PFKM: variants seen among roughly 807,000 people sequenced by gnomAD.
PFKM encodes the protein ATP-dependent 6-phosphofructokinase, muscle type.
A neutral mutation model predicts 95.5 loss-of-function variants in PFKM; 58 were observed. The ratio of observed to expected loss-of-function variants is 0.61; its 90% CI spans 0.49 to 0.76. The LOEUF (loss-of-function observed/expected upper bound fraction) is 0.76, where lower values mean the gene tolerates loss of function less well. Ranked by LOEUF, PFKM falls within the 30% of genes least tolerant of loss-of-function variation. The pLI, the probability that PFKM is intolerant of heterozygous loss-of-function variation, is 0.00. For synonymous variants in PFKM, 336 were observed against 357.2 expected, an observed-to-expected ratio of 0.94 and a Z score of 0.67; for missense variants, 678 against 1,005.4, an observed-to-expected ratio of 0.67 and a Z score of 4.40.
chr12:48,134,688 C>T, intron 7 of PFKM, 33 bp from the exon 8 acceptor site: 2 of 1,445,700 alleles, frequency 1.4e-6, no homozygotes, highest in Non-Finnish European at 1.9e-6. Context: ...TAGAGTACAA[C>T]TTCTAGCAGG....
rs1948423283 is a variant in PFKM, at chr12:48,122,862, A to C, written c.85+3A>C. The C allele has an allele frequency of 6.8e-6, 11 of 1,613,728 alleles. No homozygotes were observed. The highest frequency in any genetic ancestry group is 9.3e-6 in the Non-Finnish European group (11 of 1,179,648). On this transcript the variant is annotated splice_donor_region_variant and intron_variant, in intron 2 of 22. Transcript: ENST00000359794. The stretch of plus-strand genomic sequence containing the variant: ...AACCTCTGGTGGAGATGCCCAAGGT[A>C]AGGAGGAGGGGACAAAAAACATGGC...
chr12:48,133,439 G>A lies in PFKM; in HGVS notation c.552G>A (p.Arg184=), dbSNP rs976955357. 6.2e-7 allele frequency: 1 copy of A among 1,614,162 alleles called. No individual in the cohort carries two copies. Among genetic ancestry groups the A allele is most frequent in the East Asian group, 2.2e-5 (1 of 44,882 alleles). The change falls in exon 6 of 23, where the codon CGG becomes CGA. Residue 184 remains arginine, a synonymous_variant. Coordinates refer to ENST00000359794, the MANE Select transcript of PFKM (RefSeq NM_000289.6). ...MTIGTDSALH[R]IMEIVDAITT... ...TTGGCACTGACTCTGCCCTGCATCGGATCATGGAAATTGTAGATGCCATCA... is the reference window on the plus strand; with the variant it reads ...TTGGCACTGACTCTGCCCTGCATCGAATCATGGAAATTGTAGATGCCATCA...
Position 48,145,804 on chromosome 12 carries a change from TAG to T in PFKM, c.*97_*98del, listed in dbSNP as rs1951002142. 1.4e-6 allele frequency: 2 copies of T among 1,383,574 alleles called. No homozygotes were observed. Among genetic ancestry groups the T allele is most frequent in the African/African-American group, 2.8e-5 (2 of 70,760 alleles). The allele number at this position is 1,383,574 out of a possible 1,614,324, so 85.7% of individuals were successfully genotyped here. A position where few individuals can be genotyped will look rare whatever the true frequency, so the allele number is the denominator to read the frequency against. ...TCAGTGTTTTAGCTGTTTTTTTCATTAGGTTTCCTTTTATTCTGTACCTTGCA... is the reference window on the plus strand; with the variant it reads ...TCAGTGTTTTAGCTGTTTTTTTCATTGTTTCCTTTTATTCTGTACCTTGCA... On this transcript the variant is annotated 3_prime_UTR_variant, in exon 23 of 23. Coordinates refer to ENST00000359794, the MANE Select transcript of PFKM (RefSeq NM_000289.6). The surrounding 1 kb of genome is among the most constrained non-coding windows in gnomAD (Gnocchi z 4.3).
At position 48,145,309 on chromosome 12, in the gene PFKM, A is replaced by G. The variant is rs750103999; in HGVS notation, c.2192A>G (p.Asp731Gly). Residue 731 changes from aspartate (D) to glycine (G), a missense_variant, in exon 22 of 23, where the codon GAT becomes GGT. By Grantham distance (94) the Asp-to-Gly change is moderately conservative. Transcript: ENST00000359794. The surrounding 1 kb of genome is among the most constrained non-coding windows in gnomAD (Gnocchi z 4.3). The stretch of plus-strand genomic sequence containing the variant: ...GTGGCTGAGCTGAAGGACCAGACAG[A>G]TTTTGAGTGAGTACATCTGCTTCCT... ...QPVAELKDQTDFEHRIPKEQW... is the reference protein window; with the variant it reads ...QPVAELKDQTGFEHRIPKEQW... The G allele has an allele frequency of 1.9e-6, 3 of 1,612,146 alleles. No homozygotes were observed. In the East Asian group the frequency reaches 6.7e-5, roughly 36 times the overall value.
At chr12:48,109,127 A>T (rs1946963846) in intron 3 of PFKM, among the ~76,000 whole-genome samples, 1 of 152,230 alleles carries the variant, frequency 6.6e-6, no homozygotes, top group Admixed American at 6.5e-5. Flanking sequence ...AGGACGGGAG[A>T]TAATATGGAA....
chr12:48,111,047 T>C (rs936973612), intron 3 of PFKM, among the ~76,000 whole-genome samples: 3 of 152,224 alleles, frequency 2.0e-5, no homozygotes, highest in African/African-American at 7.2e-5. Context: ...AGCAGGCACC[T>C]TTGTGGTCCA....
intron 8 of PFKM, 50 bp downstream of exon 8, chr12:48,134,879 G>A: frequency 6.3e-7 from 1 of 1,589,552 alleles, no homozygotes; most frequent in Admixed American, 1.7e-5. Context: ...CTGTTCCACT[G>A]ATGATCTCTT....
chr12:48,107,034 C>A (rs1443060440), intron 1 of PFKM, among the ~76,000 whole-genome samples: 1 of 152,076 alleles, frequency 6.6e-6, no homozygotes, highest in Admixed American at 6.5e-5. Context: ...GGACCCAGGC[C>A]CTGTAGAAGT....
upstream of PFKM, among the ~76,000 whole-genome samples, chr12:48,114,872 A>C (rs1024694979): frequency 1.3e-5 from 2 of 152,190 alleles, no homozygotes; most frequent in African/African-American, 4.8e-5. Context: ...GCGGTGTTGC[A>C]GAAGAAAATG....
intron 6 of PFKM, among the ~76,000 whole-genome samples, chr12:48,133,806 T>C (rs372960295): frequency 8.5e-5 from 13 of 152,114 alleles, no homozygotes; most frequent in African/African-American, 2.9e-4. Flanking sequence ...TTTCCAACCA[T>C]ATCATAGAAA....
chr12:48,141,276 A>G, intron 14 of PFKM, 35 bp from the exon 15 acceptor site: 1 of 1,596,962 alleles, frequency 6.3e-7, no homozygotes, highest in Non-Finnish European at 8.6e-7. Context: ...CTAGTGCTTT[A>G]GCCTTGTGCA....
At chr12:48,131,950 G>A (rs1252174160) in intron 4 of PFKM, 2 of 452,880 alleles carry the variant, frequency 4.4e-6, no homozygotes, top group East Asian at 1.4e-4. Flanking sequence ...CACAGTGAGT[G>A]AGAGAAATAC....
chr12:48,132,529 C>A (rs956048766), intron 4 of PFKM, among the ~76,000 whole-genome samples: 4 of 152,190 alleles, frequency 2.6e-5, no homozygotes, highest in Non-Finnish European at 4.4e-5. Context: ...AGACTGAAGT[C>A]ACTGCTTCTA....
chr12:48,122,700 C>G, intron 1 of PFKM, 67 bp from the exon 2 acceptor site: 1 of 1,608,766 alleles, frequency 6.2e-7, no homozygotes, highest in Non-Finnish European at 8.5e-7. Flanking sequence ...AGTCTAATTG[C>G]CGTTCCTTTA....
intron 3 of PFKM, among the ~76,000 whole-genome samples, chr12:48,112,607 G>T (rs1173831823): frequency 6.6e-6 from 1 of 152,160 alleles, no homozygotes; most frequent in African/African-American, 2.4e-5. Context: ...AAGCATGTTT[G>T]AGATCCACTA....
chr12:48,129,395 A>G (rs1949214585), intron 2 of PFKM, among the ~76,000 whole-genome samples: 1 of 151,170 alleles, frequency 6.6e-6, no homozygotes, highest in African/African-American at 2.4e-5. Context: ...AGAAGCAGAG[A>G]GAGAATGATT....
At chr12:48,139,383 A>G (rs1644572612) in intron 12 of PFKM, 34 bp downstream of exon 12, 3 of 1,559,806 alleles carry the variant, frequency 1.9e-6, no homozygotes, top group Admixed American at 1.7e-5. Flanking sequence ...CTAGCTACAG[A>G]AATCAGAGGC....
rs1950587781 is a variant in PFKM at position 48,141,686 on chromosome 12, C to T, written c.1413-54C>T. Reference sequence around the variant, plus strand: ...CTTTTCTCCCCCTCAATTTTCCTGTCTCTTCCCCAAATTCCAATTCCCCTT... The same window carrying T: ...CTTTTCTCCCCCTCAATTTTCCTGTTTCTTCCCCAAATTCCAATTCCCCTT... On this transcript the variant is annotated intron_variant, in intron 15 of 22. Transcript: ENST00000359794. 3.0e-6 allele frequency: 4 copies of T among 1,334,938 alleles called. No individual in the cohort carries two copies. In the South Asian group the frequency reaches 4.7e-5, roughly 16 times the overall value. 82.7% of individuals were successfully genotyped at this position (1,334,938 alleles called of 1,614,324 possible). A position where few individuals can be genotyped will look rare whatever the true frequency, so the allele number is the denominator to read the frequency against.
chr12:48,110,851 G>A (rs994206788), intron 3 of PFKM, among the ~76,000 whole-genome samples: 4 of 152,162 alleles, frequency 2.6e-5, no homozygotes, highest in African/African-American at 9.7e-5. Context: ...GTGGCCCATA[G>A]AGGATCAGCT....
Sources: gnomAD v4.1 joint callset for allele counts (sites outside exome capture counted in the v4.1 genomes callset) on GRCh38, gnomAD v4.1.1 for gene constraint, Gnocchi (gnomAD v3.1) non-coding constraint, MANE v1.5 for transcripts, NCBI Gene and HGNC (gene_info 2026-07-23, HGNC 2026-07-21) for gene names.